BRCA1: variants seen among roughly 807,000 people sequenced by gnomAD.
BRCA1 encodes the protein BRCA1 DNA repair associated, also known as breast cancer type 1 susceptibility protein.
Under a neutral mutation model 173.7 loss-of-function variants are expected in BRCA1, and 140 were observed. The observed-to-expected ratio is 0.81, with a 90% CI of 0.70 to 0.93. BRCA1 has a LOEUF of 0.93. BRCA1 is among the 40% of genes least tolerant of loss of function. The pLI is 0.00. For missense variants in BRCA1, 1,983 were observed against 2,172.5 expected, an observed-to-expected ratio of 0.91 and a Z score of 1.73; for synonymous variants, 662 against 756.0, an observed-to-expected ratio of 0.88 and a Z score of 2.04.
intron 1 of BRCA1, among the ~76,000 whole-genome samples, chr17:43,136,982 G>GT (rs1220138279): frequency 1.3e-5 from 2 of 152,064 alleles, no homozygotes; most frequent in Admixed American, 1.3e-4. Context: ...AAATGCACAC[G>GT]TATGTTCATT....
chr17:43,115,926 T>C (rs1350146399), intron 2 of BRCA1, 147 bp from the exon 3 acceptor site: 6 of 752,164 alleles, frequency 8.0e-6, no homozygotes, highest in Non-Finnish European at 1.3e-5. Context: ...ATTTATTAAA[T>C]GTCTGCTGTG....
At chr17:43,078,488 AT>A (rs2052846258) in intron 12 of BRCA1, among the ~76,000 whole-genome samples, 1 of 152,248 alleles carries the variant, frequency 6.6e-6, no homozygotes, top group South Asian at 2.1e-4. Context: ...GAAATATTTA[AT>A]AAGTAAAAAC....
At position 43,100,522 on chromosome 17, in the gene BRCA1, G is replaced by A. The variant is rs2054338195; in HGVS notation, c.442-642C>T. The stretch of plus-strand genomic sequence containing the variant: ...ATGCCTGGCTAATTTGTGTGTGTGT[G>A]TGTATATATATATACATATATATGT... On this transcript the variant is annotated intron_variant, in intron 6 of 22. Transcript: ENST00000357654. 4.1e-5 allele frequency among the ~76,000 whole-genome samples: 3 copies of A among 72,716 alleles called. No homozygotes were observed. The South Asian group carries it at 1.2e-3, about 28-fold the overall frequency. 47.7% of individuals were successfully genotyped at this position (72,716 alleles called of 152,430 possible). A position where few individuals can be genotyped will look rare whatever the true frequency, so the allele number is the denominator to read the frequency against.
intron 1 of BRCA1, chr17:43,138,538 G>A (rs2154581424): frequency 7.5e-6 from 5 of 667,828 alleles, no homozygotes; most frequent in Non-Finnish European, 1.1e-5. Flanking sequence ...CCTACCAAAA[G>A]TGGGTAGGGT....
At chr17:43,160,797 T>A (rs1316219819) in intron 1 of BRCA1, 1 of 152,200 alleles carries the variant, frequency 6.6e-6, no homozygotes, top group African/African-American at 2.4e-5. Flanking sequence ...GCTAGACAGA[T>A]CAATAGTGAT....
intron 7 of BRCA1, among the ~76,000 whole-genome samples, chr17:43,098,254 C>T (rs912592671): frequency 6.6e-5 from 10 of 152,124 alleles, no homozygotes; most frequent in Admixed American, 2.0e-4. Context: ...TGGTCTCAAA[C>T]TCCTGGCTTC....
At chr17:43,058,106 A>G (rs1224949580) in intron 18 of BRCA1, among the ~76,000 whole-genome samples, 1 of 151,406 alleles carries the variant, frequency 6.6e-6, no homozygotes, top group Non-Finnish European at 1.5e-5. Context: ...CACACCTATA[A>G]CCCTAGCACT....
chr17:43,166,514 T>C (rs1447458889), intron 1 of BRCA1: 2 of 152,190 alleles, frequency 1.3e-5, no homozygotes, highest in Non-Finnish European at 2.9e-5. Flanking sequence ...GTTTTCCTGG[T>C]GTCATAGCAC....
In BRCA1 at chr17:43,097,297, AT is replaced by A. The variant is rs273902774; in HGVS notation, c.548-9del. ...CTTCAGAAGAATCAGATCCTAAAAA[AT>A]TTCCCCCCAAAAAATAAATCAATAA... On this transcript the variant is annotated splice_polypyrimidine_tract_variant and intron_variant, in intron 7 of 22. Transcript: ENST00000357654. 3.4e-5 allele frequency: 54 copies of A among 1,611,856 alleles called. No individual in the cohort carries two copies. In the Middle Eastern group the frequency reaches 2.5e-3, roughly 74 times the overall value.
chr17:43,092,634 A>G lies in BRCA1; in HGVS notation c.2897T>C (p.Ile966Thr), dbSNP rs879254045. The change falls in exon 10 of 23, where the codon ATT (isoleucine) becomes ACT (threonine). Residue 966 changes from isoleucine to threonine, a missense_variant. Physicochemically the swap from Ile to Thr is moderately conservative, Grantham distance 89. Transcript: ENST00000357654. ...TAAAAGTCCATGTTTATTTGGAGTA[A>G]TGAGTCCAGTTTCGTTGCCTCTGAA... Reference protein sequence around the residue: ...SQFRGNETGLITPNKHGLLQN... With the variant: ...SQFRGNETGLTTPNKHGLLQN... 4 of 1,613,986 alleles carry G rather than the reference A, an allele frequency of 2.5e-6. No individual in the cohort carries two copies. The African/African-American group carries it at 4.0e-5, about 16-fold the overall frequency.
intron 1 of BRCA1, among the ~76,000 whole-genome samples, chr17:43,143,391 TGGAAACCGATGGGC>T (rs1397120129): frequency 2.0e-5 from 3 of 152,110 alleles, no homozygotes; most frequent in Non-Finnish European, 4.4e-5. Flanking sequence ...AGCAAACTCA[TGGAAACCGATGGGC>T]GGCTCACTTT....
intron 18 of BRCA1, among the ~76,000 whole-genome samples, chr17:43,061,385 C>T (rs1245459122): frequency 2.0e-5 from 3 of 152,020 alleles, no homozygotes; most frequent in Non-Finnish European, 4.4e-5. Context: ...ATCTTAAATT[C>T]ATCTTTATTG....
rs11657823 is a variant in BRCA1, at chr17:43,112,129, G to A, written c.134+3597C>T. On this transcript the variant is annotated intron_variant, in intron 3 of 22. Coordinates refer to ENST00000357654, the MANE Select transcript of BRCA1 (RefSeq NM_007294.4). Reference sequence around the variant, plus strand: ...TTTTGAGACGGAATCTTGCTCTGTCGCCCAGGCTAGAGTACAGTGGCACGA... The same window carrying A: ...TTTTGAGACGGAATCTTGCTCTGTCACCCAGGCTAGAGTACAGTGGCACGA... Among the ~76,000 whole-genome samples, 45,342 of 150,766 alleles carry A rather than the reference G, an allele frequency of 0.3. 7,339 individuals are homozygous for A. Among genetic ancestry groups the A allele is most frequent in the South Asian group, 0.49 (2,353 of 4,780 alleles).
chr17:43,106,859 A>G (rs2054813915), intron 3 of BRCA1, among the ~76,000 whole-genome samples: 1 of 152,214 alleles, frequency 6.6e-6, no homozygotes, highest in Non-Finnish European at 1.5e-5. Context: ...ATAATCAAAT[A>G]TAAACGGTAA....
chr17:43,061,890 A>C (rs2051776945), intron 18 of BRCA1, among the ~76,000 whole-genome samples: 1 of 152,002 alleles, frequency 6.6e-6, no homozygotes, highest in Non-Finnish European at 1.5e-5. Flanking sequence ...TGGCCTATAA[A>C]ATTACTTTCA....
At chr17:43,100,738 GTTT>G (rs1166121327) in intron 6 of BRCA1, among the ~76,000 whole-genome samples, 3 of 91,694 alleles carry the variant, frequency 3.3e-5, no homozygotes, top group African/African-American at 1.2e-4. Context: ...GTGTATATAT[GTTT>G]TTTTTTTTTG....
At chr17:43,148,468 C>T (rs557379354) in intron 1 of BRCA1, 12 of 152,278 alleles carry the variant, frequency 7.9e-5, no homozygotes, top group African/African-American at 2.9e-4. Flanking sequence ...TTACAGTTAA[C>T]GTGCGTTTTC....
At chr17:43,102,426 G>C (rs898807210) in intron 6 of BRCA1, among the ~76,000 whole-genome samples, 1 of 143,692 alleles carries the variant, frequency 7.0e-6, no homozygotes, top group Non-Finnish European at 1.5e-5. Context: ...GCGCAATCTC[G>C]GCTCACTGCA....
chr17:43,056,708 A>G (rs921958674), intron 19 of BRCA1, among the ~76,000 whole-genome samples: 1 of 151,794 alleles, frequency 6.6e-6, no homozygotes, highest in African/African-American at 2.4e-5. Context: ...AGCAAGAGAG[A>G]GAGAGAGAAA....
Sources: allele counts gnomAD v4.1 joint callset (sites outside exome capture counted in the v4.1 genomes callset), GRCh38; gene constraint gnomAD v4.1.1; transcripts MANE v1.5; gene names NCBI Gene and HGNC (gene_info 2026-07-23, HGNC 2026-07-21).